Variants in IFIT3 observed in about 807,000 individuals in gnomAD.
IFIT3 encodes the protein interferon-induced protein with tetratricopeptide repeats 3.
IFIT3 carries 2 observed loss-of-function variants against 2.4 expected under a neutral mutation model. That is an observed-to-expected ratio of 0.82 (90% CI 0.34 to 2.60). The LOEUF is 2.60. IFIT3 is among the 30% of genes most tolerant of loss of function. IFIT3 has a pLI of 0.11. For synonymous variants in IFIT3, 203 were observed against 212.1 expected (o/e 0.96, Z 0.37); for missense variants, 481 against 562.4 (o/e 0.86, Z 1.46).
In IFIT3 at chr10:89,339,845, A is replaced by C. The variant is rs1334324611; in HGVS notation, c.1190A>C (p.Glu397Ala). 1.2e-6 allele frequency: 2 copies of C among 1,614,218 alleles called. No individual in the cohort carries two copies. Among genetic ancestry groups the C allele is most frequent in the Non-Finnish European group, 1.7e-6 (2 of 1,180,034 alleles). ...SISKKSTDKEEIKDQPQNVSE... is the reference protein window; with the variant it reads ...SISKKSTDKEAIKDQPQNVSE... ...AGCAAAAAATCAACTGACAAGGAAGAGATCAAAGACCAACCACAGAATGTA... is the reference window on the plus strand; with the variant it reads ...AGCAAAAAATCAACTGACAAGGAAGCGATCAAAGACCAACCACAGAATGTA... The change falls in exon 2 of 2, where the codon GAG (glutamate) becomes GCG (alanine). Residue 397 changes from glutamate (E) to alanine (A), a missense_variant. Coordinates refer to ENST00000371818, the MANE Select transcript of IFIT3 (RefSeq NM_001549.6).
chr10:89,333,357 CAT>C lies in IFIT3; in HGVS notation c.5+5284_5+5285del, dbSNP rs200618434. ...AACAGAAATAAGGTCCAGAAACAAA[CAT>C]ATATTTAAAGAGGACCACAAGTACT... On this transcript the variant is annotated intron_variant, in intron 1 of 1. Transcript: ENST00000371818. 7.6e-3 allele frequency among the ~76,000 whole-genome samples: 1,156 copies of C among 152,296 alleles called. 12 individuals are homozygous for C. Among genetic ancestry groups the C allele is most frequent in the African/African-American group, 0.026 (1,071 of 41,554 alleles).
In IFIT3 at chr10:89,328,062, C is replaced by G; in HGVS notation, c.-12C>G. ...CCAGCTTTTCGGAACAGCAGAGACACAGAGGGCAGTCATGAGGTCAGTGAA... is the reference window on the plus strand; with the variant it reads ...CCAGCTTTTCGGAACAGCAGAGACAGAGAGGGCAGTCATGAGGTCAGTGAA... On this transcript the variant is annotated 5_prime_UTR_variant, in exon 1 of 2. Transcript: ENST00000371818. 1 of 1,613,936 alleles carries G rather than the reference C, an allele frequency of 6.2e-7. No individual in the cohort carries two copies. Among genetic ancestry groups the G allele is most frequent in the Non-Finnish European group, 8.5e-7 (1 of 1,179,846 alleles).
rs1168206720 is a variant in IFIT3, at chr10:89,339,564, T to C, written c.909T>C (p.Asn303=). 1 of 1,614,098 alleles carries C rather than the reference T, an allele frequency of 6.2e-7. No homozygotes were observed. The highest frequency in any genetic ancestry group is 8.5e-7 in the Non-Finnish European group (1 of 1,179,992). ...QNTGESEASG[N]KEMIEALKQY... ...CAGGAGAATCTGAAGCTAGTGGAAATAAAGAGATGATTGAAGCACTAAAGC... is the reference window on the plus strand; with the variant it reads ...CAGGAGAATCTGAAGCTAGTGGAAACAAAGAGATGATTGAAGCACTAAAGC... Residue 303 remains asparagine (N), a synonymous_variant, in exon 2 of 2, where the codon AAT becomes AAC. Transcript: ENST00000371818.
Position 89,339,782 on chromosome 10 carries a change from A to T in IFIT3, c.1127A>T (p.Asp376Val). Residue 376 changes from aspartate (D) to valine (V), a missense_variant, in exon 2 of 2, where the codon GAC becomes GTC. Coordinates refer to ENST00000371818, the MANE Select transcript of IFIT3 (RefSeq NM_001549.6). ...CAGAAATATAATGGGAAGTCTGAAGACACTGCTGTGCAACATGGTTTAGAG... is the reference window on the plus strand; with the variant it reads ...CAGAAATATAATGGGAAGTCTGAAGTCACTGCTGTGCAACATGGTTTAGAG... ...NLQKYNGKSEDTAVQHGLEGL... is the reference protein window; with the variant it reads ...NLQKYNGKSEVTAVQHGLEGL... 1 of 1,614,214 alleles carries T rather than the reference A, an allele frequency of 6.2e-7. No individual in the cohort carries two copies. The highest frequency in any genetic ancestry group is 8.5e-7 in the Non-Finnish European group (1 of 1,180,026).
chr10:89,333,113 G>A lies in IFIT3; in HGVS notation c.5+5035G>A, dbSNP rs115201261. 8.5e-3 allele frequency among the ~76,000 whole-genome samples: 1,300 copies of A among 152,244 alleles called. 19 individuals carry two copies. Among genetic ancestry groups the A allele is most frequent in the African/African-American group, 0.029 (1,204 of 41,532 alleles). On this transcript the variant is annotated intron_variant, in intron 1 of 1. Coordinates refer to ENST00000371818, the MANE Select transcript of IFIT3 (RefSeq NM_001549.6). ...TTTATGTTGAGGTCACTTTTACCTT[G>A]AAATGCACTTTTTCATAATTGGGGG...
intron 1 of IFIT3, among the ~76,000 whole-genome samples, chr10:89,337,409 A>AT (rs988114603): frequency 7.2e-5 from 11 of 151,744 alleles, no homozygotes; most frequent in Admixed American, 4.6e-4. Flanking sequence ...TCTTACTTTT[A>AT]TTTTTTTTGA....
At chr10:89,336,733 G>A (rs1843746638) in intron 1 of IFIT3, among the ~76,000 whole-genome samples, 1 of 151,410 alleles carries the variant, frequency 6.6e-6, no homozygotes, top group African/African-American at 2.5e-5. Flanking sequence ...TACATTAGCA[G>A]CCCTATTTGG....
chr10:89,332,455 G>T, intron 1 of IFIT3: 1 of 1,460,530 alleles, frequency 6.8e-7, no homozygotes, highest in South Asian at 1.5e-5. Context: ...CCCTCAAGAG[G>T]GATCTTGATA....
At position 89,339,970 on chromosome 10, in the gene IFIT3, G is replaced by A; in HGVS notation, c.1315G>A (p.Glu439Lys). 6.2e-6 allele frequency: 10 copies of A among 1,614,226 alleles called. No homozygotes were observed. The highest frequency in any genetic ancestry group is 7.6e-6 in the Non-Finnish European group (9 of 1,180,032). ...GDLLQAAKCY[E>K]KELGRLLRDA... ...TCTGCTGCAAGCAGCCAAATGTTAT[G>A]AGAAGGAACTGGGCCGCCTGCTAAG... The change falls in exon 2 of 2, where the codon GAG becomes AAG. Residue 439 changes from glutamate to lysine, a missense_variant. Glu to Lys is a moderately conservative substitution (Grantham distance 56). Transcript: ENST00000371818.
In IFIT3 at chr10:89,340,233, C is replaced by A. The variant is rs916813905; in HGVS notation, c.*105C>A. 8.3e-7 allele frequency: 1 copy of A among 1,206,926 alleles called. No individual in the cohort carries two copies. The highest frequency in any genetic ancestry group is 1.1e-6 in the Non-Finnish European group (1 of 877,884). The allele number at this position is 1,206,926 out of a possible 1,614,324, so 74.8% of individuals were successfully genotyped here. A position where few individuals can be genotyped will look rare whatever the true frequency, so the allele number is the denominator to read the frequency against. On this transcript the variant is annotated 3_prime_UTR_variant, in exon 2 of 2. Coordinates refer to ENST00000371818, the MANE Select transcript of IFIT3 (RefSeq NM_001549.6). ...AACCTGGGATTGCTGAGCAGGGAAG[C>A]TTTGCATGTTGCTCTAAGGTACATT... is the stretch of plus-strand genomic sequence containing the variant.
Position 89,340,567 on chromosome 10 carries a change from A to G in IFIT3, c.*439A>G. 6.7e-6 allele frequency: 1 copy of G among 149,284 alleles called. No individual in the cohort carries two copies. Among genetic ancestry groups the G allele is most frequent in the African/African-American group, 2.6e-5 (1 of 38,562 alleles). The allele number at this position is 149,284 out of a possible 1,614,324, so 9.2% of individuals were successfully genotyped here. On this transcript the variant is annotated 3_prime_UTR_variant, in exon 2 of 2. Coordinates refer to ENST00000371818, the MANE Select transcript of IFIT3 (RefSeq NM_001549.6). The stretch of plus-strand genomic sequence containing the variant: ...AGCAAGACTCCATCTCAAAAAAAAA[A>G]AAAAAAAAAAAAAAGAGTTGTTTTC...
intron 1 of IFIT3, 135 bp downstream of exon 1, chr10:89,328,213 TG>T: frequency 1.1e-6 from 1 of 935,404 alleles, no homozygotes; most frequent in Non-Finnish European, 1.7e-6. Flanking sequence ...TCTGAGCATT[TG>T]TAAGATGTTT....
intron 1 of IFIT3, among the ~76,000 whole-genome samples, chr10:89,334,668 T>A (rs1384978442): frequency 1.3e-5 from 2 of 151,584 alleles, no homozygotes; most frequent in Non-Finnish European, 2.9e-5. Context: ...AATTTTTGTG[T>A]TTTTAGTACA....
At chr10:89,334,096 C>A (rs1843692687) in intron 1 of IFIT3, among the ~76,000 whole-genome samples, 1 of 152,144 alleles carries the variant, frequency 6.6e-6, no homozygotes, top group Admixed American at 6.5e-5. Context: ...GTGGGGAAAT[C>A]CCCACTCTTA....
At chr10:89,332,173 G>A (rs1246238089) in intron 1 of IFIT3, among the ~76,000 whole-genome samples, 4 of 152,238 alleles carry the variant, frequency 2.6e-5, no homozygotes, top group Non-Finnish European at 5.9e-5. Flanking sequence ...AGAAATTGCA[G>A]TGAGACTAGG....
At chr10:89,336,836 A>T (rs935942199) in intron 1 of IFIT3, among the ~76,000 whole-genome samples, 9 of 152,332 alleles carry the variant, frequency 5.9e-5, no homozygotes, top group Admixed American at 2.0e-4. Context: ...TTCCAATCTT[A>T]TGGTGCCGTG....
In IFIT3 at chr10:89,339,145, G is replaced by A. The variant is rs781599747; in HGVS notation, c.490G>A (p.Glu164Lys). The A allele has an allele frequency of 1.9e-6, 3 of 1,614,000 alleles. No homozygotes were observed. Among genetic ancestry groups the A allele is most frequent in the South Asian group, 2.2e-5 (2 of 91,088 alleles). Residue 164 changes from glutamate (E) to lysine (K), a missense_variant, in exon 2 of 2, where the codon GAA becomes AAA. Coordinates refer to ENST00000371818, the MANE Select transcript of IFIT3 (RefSeq NM_001549.6). ...GAAGGTGTGTTTTGAGAAGGCTCTG[G>A]AAGAAAAGCCCAACAACCCAGAATT... is the stretch of plus-strand genomic sequence containing the variant. ...RAKVCFEKAL[E>K]EKPNNPEFSS...
chr10:89,339,028 A>T lies in IFIT3; in HGVS notation c.373A>T (p.Lys125Ter). 6.2e-7 allele frequency: 1 copy of T among 1,614,194 alleles called. No homozygotes were observed. Among genetic ancestry groups the T allele is most frequent in the Non-Finnish European group, 8.5e-7 (1 of 1,180,024 alleles). ...IYVDKVKQTC[K>*]KFSNPYSIEY... ...TGTAGATAAGGTGAAACAAACCTGC[A>T]AGAAATTTTCAAATCCATACAGTAT... The change falls in exon 2 of 2, where the codon AAG becomes TAG. Residue 125 changes from lysine to a stop codon, truncating the protein, a stop_gained. Transcript: ENST00000371818. LOFTEE classifies it low-confidence loss of function (END_TRUNC).
At chr10:89,337,426 G>A (rs1268859454) in intron 1 of IFIT3, among the ~76,000 whole-genome samples, 2 of 151,976 alleles carry the variant, frequency 1.3e-5, no homozygotes, top group African/African-American at 4.8e-5. Flanking sequence ...TTGAGGCAGG[G>A]TCCCACTCTA....
Sources: allele counts gnomAD v4.1 joint callset (sites outside exome capture counted in the v4.1 genomes callset), GRCh38; gene constraint gnomAD v4.1.1; transcripts MANE v1.5; gene names NCBI Gene and HGNC (gene_info 2026-07-23, HGNC 2026-07-21).